COL4A4: variants seen among roughly 807,000 people sequenced by gnomAD.
COL4A4 encodes collagen type IV alpha 4 chain.
A neutral mutation model predicts 192.9 loss-of-function variants in COL4A4; 105 were observed. The observed-to-expected ratio is 0.54, with a 90% CI of 0.46 to 0.64. The LOEUF is 0.64. Ranked by LOEUF, COL4A4 falls within the 30% of genes least tolerant of loss-of-function variation. The pLI, the probability that COL4A4 is intolerant of heterozygous loss-of-function variation, is 0.00. For synonymous variants in COL4A4, 762 were observed against 769.9 expected, an observed-to-expected ratio of 0.99 and a Z score of 0.17; for missense variants, 1,967 against 2,169.3, an observed-to-expected ratio of 0.91 and a Z score of 1.85.
chr2:227,041,849 AGAAAGAAAGAAAGAAAGAAAG>A (rs1559478228), intron 37 of COL4A4, among the ~76,000 whole-genome samples: 21 of 29,994 alleles, frequency 7.0e-4, no homozygotes, highest in African/African-American at 4.0e-3. Flanking sequence ...AGAAAGAAAG[AGAAAGAAAGAAAGAAAGAAAG>A]AAAGAAAGAA....
the COL4A4 span, among the ~76,000 whole-genome samples, chr2:226,986,103 G>A: frequency 6.6e-6 from 1 of 152,144 alleles, no homozygotes; most frequent in African/African-American, 2.4e-5. Context: ...CTAACCATGA[G>A]GACAAATAGC....
chr2:227,153,366 C>T (rs1458217519), intron 1 of COL4A4, among the ~76,000 whole-genome samples: 2 of 152,150 alleles, frequency 1.3e-5, no homozygotes, highest in African/African-American at 4.8e-5. Flanking sequence ...GGTGCTGTGC[C>T]TTTTAAAGGG....
At chr2:226,975,301 A>T in the COL4A4 span, among the ~76,000 whole-genome samples, 2 of 152,158 alleles carry the variant, frequency 1.3e-5, no homozygotes, top group African/African-American at 4.8e-5. Context: ...ACACACACAC[A>T]TCTATAAATA....
chr2:227,057,628 T>C, intron 28 of COL4A4, 28 bp from the exon 29 acceptor site: 1 of 1,612,888 alleles, frequency 6.2e-7, no homozygotes, highest in Non-Finnish European at 8.5e-7. Context: ...ATCCATGACA[T>C]TCATGACAAA....
chr2:227,020,881 T>TTTTTTTTTTC (rs1965884688), intron 44 of COL4A4, among the ~76,000 whole-genome samples: 1 of 132,310 alleles, frequency 7.6e-6, no homozygotes, highest in African/African-American at 3.2e-5. Flanking sequence ...CACTTTTTTC[T>TTTTTTTTTTC]TTTTTTTTTT....
chr2:227,001,658 A>ATGG (rs1960995353), downstream of COL4A4, among the ~76,000 whole-genome samples: 1 of 152,224 alleles, frequency 6.6e-6, no homozygotes, highest in Non-Finnish European at 1.5e-5. Flanking sequence ...ATTCTACTAG[A>ATGG]TGGTGACTGT....
In COL4A4 at chr2:227,147,250, G is replaced by T. The variant is rs16823259; in HGVS notation, c.71+163C>A. The T allele has an allele frequency of 0.028, 20,816 of 754,388 alleles. 2,837 individuals are homozygous for T. In the African/African-American group the frequency reaches 0.31, roughly 11 times the overall value. The allele number at this position is 754,388 out of a possible 1,614,324, so 46.7% of individuals were successfully genotyped here. A position where few individuals can be genotyped will look rare whatever the true frequency, so the allele number is the denominator to read the frequency against. ...TTCAGGGAAAATTGAGAGGGTTGGT[G>T]TTCAATAATAAAAATGAGTCATGAA... On this transcript the variant is annotated intron_variant, in intron 2 of 47. Transcript: ENST00000396625.
chr2:227,086,971 C>T (rs939243318), intron 22 of COL4A4, among the ~76,000 whole-genome samples: 17 of 152,150 alleles, frequency 1.1e-4, no homozygotes, highest in Admixed American at 8.5e-4. Context: ...TCACTTAAGG[C>T]CCTCGGGTTG....
rs35507484 is a variant in COL4A4, at chr2:227,156,063, GA to G, written c.-102+7943del. 5.1e-4 allele frequency among the ~76,000 whole-genome samples: 75 copies of G among 147,664 alleles called. 1 individual carries two copies. The South Asian group carries it at 0.014, about 28-fold the overall frequency. ...CCTTCCTTTCTAATCTGCCATGGAG[GA>G]AAAAAAAAAGAGCTCACAATACATT... On this transcript the variant is annotated intron_variant, in intron 1 of 47. Coordinates refer to ENST00000396625, the MANE Select transcript of COL4A4 (RefSeq NM_000092.5).
In COL4A4 at chr2:227,009,581, T is replaced by C. The variant is rs535769058; in HGVS notation, c.4522+732A>G. 1.1e-3 allele frequency among the ~76,000 whole-genome samples: 170 copies of C among 151,876 alleles called. 1 individual carries two copies. Among genetic ancestry groups the C allele is most frequent in the Non-Finnish European group, 1.3e-3 (89 of 67,938 alleles). On this transcript the variant is annotated intron_variant, in intron 46 of 47. Transcript: ENST00000396625. ...GGCATGGTGGCACAAGTCTGTAGTC[T>C]CAGCTACTCAGGAGGCTGAGGCAGG...
chr2:227,113,908 C>A (rs76756332), intron 8 of COL4A4, among the ~76,000 whole-genome samples: 5,286 of 152,226 alleles, frequency 0.035, 301 homozygotes, highest in African/African-American at 0.12. Context: ...ACATCTTGAA[C>A]ATGGGCTGTA....
At chr2:227,095,068 A>T (rs1009720090) in intron 19 of COL4A4, among the ~76,000 whole-genome samples, 1 of 152,252 alleles carries the variant, frequency 6.6e-6, no homozygotes, top group East Asian at 1.9e-4. Flanking sequence ...AAATAAGCAC[A>T]CAGTGGAAAG....
chr2:227,104,852 G>T (rs2060739496), intron 12 of COL4A4, among the ~76,000 whole-genome samples: 1 of 151,228 alleles, frequency 6.6e-6, no homozygotes, highest in African/African-American at 2.4e-5. Context: ...TGTTGGTCAG[G>T]CTGGTCTCGA....
At chr2:227,081,091 T>A (rs1328886757) in intron 23 of COL4A4, among the ~76,000 whole-genome samples, 1 of 152,110 alleles carries the variant, frequency 6.6e-6, no homozygotes, top group Non-Finnish European at 1.5e-5. Flanking sequence ...GATCTGGTTG[T>A]CCCAATGCCA....
chr2:227,024,407 G>A (rs1206969885), intron 43 of COL4A4, among the ~76,000 whole-genome samples: 1 of 152,200 alleles, frequency 6.6e-6, no homozygotes, highest in Non-Finnish European at 1.5e-5. Flanking sequence ...AGCTACCTGG[G>A]AGGCTGAGGT....
chr2:227,011,734 G>A (rs1963756654), intron 45 of COL4A4, among the ~76,000 whole-genome samples: 2 of 152,094 alleles, frequency 1.3e-5, no homozygotes, highest in South Asian at 4.1e-4. Context: ...TGTACTAATG[G>A]CTATATGATA....
intron 15 of COL4A4, among the ~76,000 whole-genome samples, chr2:227,102,247 G>A (rs919969057): frequency 1.3e-5 from 2 of 152,146 alleles, no homozygotes. Context: ...TAATTTGCCT[G>A]GAAATTAATA....
chr2:227,126,457 G>A (rs1237923998), intron 4 of COL4A4, among the ~76,000 whole-genome samples: 2 of 152,236 alleles, frequency 1.3e-5, no homozygotes, highest in African/African-American at 4.8e-5. Flanking sequence ...GAATAACAGA[G>A]ATGTTGGTGT....
rs1309841563 is a variant in COL4A4 at position 227,082,191 on chromosome 2, G to C, written c.1624-4C>G. ...GTCCAGAGGCACCATGCTTTCCCTT[G>C]GTGAAAAATAAGAGAAACAAATTAG... On this transcript the variant is annotated splice_region_variant and splice_polypyrimidine_tract_variant and intron_variant, in intron 22 of 47. Transcript: ENST00000396625. 1 of 1,613,410 alleles carries C rather than the reference G, an allele frequency of 6.2e-7. No homozygotes were observed. Among genetic ancestry groups the C allele is most frequent in the South Asian group, 1.1e-5 (1 of 91,060 alleles).
Sources: allele counts gnomAD v4.1 joint callset (sites outside exome capture counted in the v4.1 genomes callset), GRCh38; gene constraint gnomAD v4.1.1; transcripts MANE v1.5; gene names NCBI Gene and HGNC (gene_info 2026-07-23, HGNC 2026-07-21).